PHTF1: variants seen among roughly 807,000 people sequenced by gnomAD.
The protein encoded by PHTF1 is putative homeodomain transcription factor 1, also known as protein PHTF1.
A neutral mutation model predicts 102.4 loss-of-function variants in PHTF1; 88 were observed. The ratio of observed to expected loss-of-function variants is 0.86; its 90% CI spans 0.72 to 1.03. PHTF1 has a LOEUF of 1.03. Among genes scored for constraint, PHTF1 ranks in the 50% least tolerant of loss-of-function variants. The probability of loss-of-function intolerance (pLI) is 0.00; values close to 1 mark genes in which losing one functional copy is unlikely to be tolerated. For missense variants in PHTF1, 814 were observed against 909.5 expected (o/e 0.89, Z 1.35); for synonymous variants, 289 against 305.2 (o/e 0.95, Z 0.55).
chr1:113,748,352 T>A (rs1267028393), intron 3 of PHTF1, among the ~76,000 whole-genome samples: 1 of 152,174 alleles, frequency 6.6e-6, no homozygotes, highest in Non-Finnish European at 1.5e-5. Context: ...TATTTATTAA[T>A]TTCTTCTTCT....
chr1:113,698,748 C>A, intron 17 of PHTF1: 1 of 215,370 alleles, frequency 4.6e-6, no homozygotes, highest in Non-Finnish European at 9.1e-6. Context: ...GTTATTAACC[C>A]AAAACCATCA....
intron 18 of PHTF1, 37 bp from the exon 19 acceptor site, chr1:113,697,762 G>T: frequency 6.6e-7 from 1 of 1,521,712 alleles, no homozygotes; most frequent in Non-Finnish European, 9.1e-7. Flanking sequence ...GTTAGTTCTA[G>T]GAAAACCAGG....
chr1:113,759,175 C>A lies in PHTF1; in HGVS notation c.-183G>T. On this transcript the variant is annotated 5_prime_UTR_variant, in exon 1 of 19. Transcript: ENST00000369604. The stretch of plus-strand genomic sequence containing the variant: ...GGAGAGGCCGTTACCATGGAGACCG[C>A]GGAGGCCGCCCCAGCTTCGGAGGCA... The A allele has an allele frequency of 1.3e-6, 1 of 782,988 alleles. No individual in the cohort carries two copies. The highest frequency in any genetic ancestry group is 5.7e-5 in the South Asian group (1 of 17,652). The allele number at this position is 782,988 out of a possible 1,614,324, so 48.5% of individuals were successfully genotyped here.
intron 5 of PHTF1, among the ~76,000 whole-genome samples, chr1:113,731,882 G>A (rs12063602): frequency 0.014 from 1,950 of 141,716 alleles, 19 homozygotes; most frequent in Middle Eastern, 0.019. Flanking sequence ...GGGCAACAGA[G>A]CAAGACGCCG....
At chr1:113,700,515 A>G (rs557713038) in intron 16 of PHTF1, among the ~76,000 whole-genome samples, 2 of 152,360 alleles carry the variant, frequency 1.3e-5, no homozygotes, top group Non-Finnish European at 2.9e-5. Context: ...GACATAGAAT[A>G]TGAGATTAAA....
chr1:113,711,687 G>T, intron 10 of PHTF1, 59 bp downstream of exon 10: 5 of 1,293,236 alleles, frequency 3.9e-6, no homozygotes, highest in Non-Finnish European at 4.5e-6. Flanking sequence ...ATAAAAAAAG[G>T]AATGGATAAA....
chr1:113,704,582 A>T, intron 14 of PHTF1, 84 bp downstream of exon 14: 2 of 983,326 alleles, frequency 2.0e-6, no homozygotes, highest in Non-Finnish European at 3.0e-6. Context: ...ACCCAGAACT[A>T]CACTGTCTAC....
intron 5 of PHTF1, among the ~76,000 whole-genome samples, chr1:113,733,490 C>T (rs1444378311): frequency 6.6e-6 from 1 of 152,102 alleles, no homozygotes; most frequent in Non-Finnish European, 1.5e-5. Context: ...ATGTCCCCAA[C>T]AAAACTCATA....
intron 3 of PHTF1, among the ~76,000 whole-genome samples, chr1:113,747,159 G>A (rs1268076085): frequency 1.3e-5 from 2 of 152,128 alleles, no homozygotes; most frequent in African/African-American, 4.8e-5. Context: ...CTGAACTATA[G>A]TTTTTTCCAA....
At chr1:113,750,272 C>T (rs1399282122) in intron 3 of PHTF1, among the ~76,000 whole-genome samples, 6 of 152,130 alleles carry the variant, frequency 3.9e-5, no homozygotes, top group African/African-American at 7.2e-5. Flanking sequence ...TGAGCGACCA[C>T]GCATGGCCTC....
chr1:113,713,339 C>T lies in PHTF1; in HGVS notation c.723G>A (p.Glu241=). 1.9e-6 allele frequency: 3 copies of T among 1,613,476 alleles called. No homozygotes were observed. The South Asian group carries it at 3.3e-5, about 18-fold the overall frequency. ...PIIKRRQCRP[E]IRMWQTREKA... ...TCTCTCTTGTTTGCCACATTCTAAT[C>T]TCTGGTCGACATTGTCTCCTCTTAA... Residue 241 remains glutamate (E), a synonymous_variant, in exon 8 of 19, where the codon GAG becomes GAA. Coordinates refer to ENST00000369604, the MANE Select transcript of PHTF1 (RefSeq NM_001323043.2).
intron 7 of PHTF1, among the ~76,000 whole-genome samples, chr1:113,721,418 A>G (rs1652917734): frequency 6.6e-6 from 1 of 152,164 alleles, no homozygotes; most frequent in Non-Finnish European, 1.5e-5. Context: ...ATGAGGAAAA[A>G]CTGAAAGCCT....
At chr1:113,718,526 T>C (rs543454456) in intron 7 of PHTF1, among the ~76,000 whole-genome samples, 1 of 152,332 alleles carries the variant, frequency 6.6e-6, no homozygotes, top group South Asian at 2.1e-4. Context: ...ACCTTTTCCC[T>C]TCCACACTAC....
chr1:113,724,836 AGAG>A lies in PHTF1; in HGVS notation c.543_545del (p.Ser182del). 2.5e-6 allele frequency: 4 copies of A among 1,610,870 alleles called. No homozygotes were observed. Among genetic ancestry groups the A allele is most frequent in the Non-Finnish European group, 3.4e-6 (4 of 1,178,074 alleles). ...AAGTTTCTATTCCTCTGACTTTATCAGAGGAGTTATTTCCATTTTCTCGGCTCC... is the reference window on the plus strand; with the variant it reads ...AAGTTTCTATTCCTCTGACTTTATCAGAGTTATTTCCATTTTCTCGGCTCC... On this transcript the variant is annotated inframe_deletion, in exon 7 of 19. Coordinates refer to ENST00000369604, the MANE Select transcript of PHTF1 (RefSeq NM_001323043.2).
chr1:113,758,587 C>A, intron 2 of PHTF1, 72 bp downstream of exon 2: 2 of 809,948 alleles, frequency 2.5e-6, no homozygotes, highest in African/African-American at 1.8e-5. Flanking sequence ...GGGAAAGTAA[C>A]ATTATATTAT....
intron 5 of PHTF1, among the ~76,000 whole-genome samples, chr1:113,733,066 T>TC (rs2101547917): frequency 7.3e-6 from 1 of 137,150 alleles, no homozygotes; most frequent in Non-Finnish European, 1.6e-5. Flanking sequence ...GCTAATTTTT[T>TC]TTTTTTTTTT....
chr1:113,724,616 C>T, intron 7 of PHTF1, 143 bp downstream of exon 7: 1 of 471,742 alleles, frequency 2.1e-6, no homozygotes. Context: ...ACAGTGAAGA[C>T]AACATTTTGA....
chr1:113,755,089 A>C (rs1183514642), intron 3 of PHTF1, among the ~76,000 whole-genome samples: 2 of 152,036 alleles, frequency 1.3e-5, no homozygotes, highest in Non-Finnish European at 2.9e-5. Context: ...TCTGAATTAT[A>C]CTTTTAAATA....
chr1:113,705,442 A>G lies in PHTF1; in HGVS notation c.1671+448T>C, dbSNP rs80290604. On this transcript the variant is annotated intron_variant, in intron 13 of 18. Coordinates refer to ENST00000369604, the MANE Select transcript of PHTF1 (RefSeq NM_001323043.2). ...GGCAATAGAACAACACCCGGTCTCA[A>G]AAAATAAAATAAAATAAATCACACT... Among the ~76,000 whole-genome samples, 6 of 152,326 alleles carry G rather than the reference A, an allele frequency of 3.9e-5. No individual in the cohort carries two copies. The South Asian group carries it at 1.0e-3, about 26-fold the overall frequency.
Sources: gnomAD v4.1 joint callset for allele counts (sites outside exome capture counted in the v4.1 genomes callset) on GRCh38, gnomAD v4.1.1 for gene constraint, MANE v1.5 for transcripts, NCBI Gene and HGNC (gene_info 2026-07-23, HGNC 2026-07-21) for gene names.